The following TBC1D22A variants were observed in gnomAD, a reference collection of about 807,000 sequenced individuals.
TBC1D22A encodes the protein TBC1 domain family member 22A.
Under a neutral mutation model 60.2 loss-of-function variants are expected in TBC1D22A, and 38 were observed. The ratio of observed to expected loss-of-function variants is 0.63; its 90% confidence interval spans 0.49 to 0.83. The LOEUF is 0.83. TBC1D22A is among the 40% of genes least tolerant of loss of function. The pLI is 0.00. For missense variants in TBC1D22A, 628 were observed against 701.0 expected, an observed-to-expected ratio of 0.90 and a Z score of 1.18; for synonymous variants, 302 against 281.7, an observed-to-expected ratio of 1.07 and a Z score of -0.72.
chr22:46,769,158 C>A (rs1177808671), intron 1 of TBC1D22A, among the ~76,000 whole-genome samples: 1 of 148,392 alleles, frequency 6.7e-6, no homozygotes, highest in Non-Finnish European at 1.5e-5. Flanking sequence ...TTGAGCATGG[C>A]AAGGATGTGA....
At chr22:47,037,312 C>G in intron 11 of TBC1D22A, 114 bp downstream of exon 11, 2 of 1,440,646 alleles carry the variant, frequency 1.4e-6, no homozygotes, top group South Asian at 2.5e-5. Context: ...CAAGCGCTCT[C>G]TCCATTGAAA....
intron 1 of TBC1D22A, among the ~76,000 whole-genome samples, chr22:46,776,442 T>C (rs2083709506): frequency 6.6e-6 from 1 of 151,994 alleles, no homozygotes; most frequent in African/African-American, 2.4e-5. Flanking sequence ...CAGCTGCGGC[T>C]GCGTGGTGGG....
intron 8 of TBC1D22A, among the ~76,000 whole-genome samples, chr22:46,918,323 G>GTGTTTTCGGAAGCTT (rs2147823541): frequency 6.6e-6 from 1 of 152,348 alleles, no homozygotes; most frequent in South Asian, 2.1e-4. Flanking sequence ...CTGAGCCTAT[G>GTGTTTTCGGAAGCTT]TGTTTTCGGA....
Position 46,878,645 on chromosome 22 carries a change from A to G in TBC1D22A, c.638-8A>G. The stretch of plus-strand genomic sequence containing the variant: ...CTTGTTTTTCCTTGTCTCTTTTTTC[A>G]TCAACAGAGGAATTACGGAGGTTGA... On this transcript the variant is annotated splice_polypyrimidine_tract_variant and splice_region_variant and intron_variant, in intron 4 of 12. Transcript: ENST00000337137. 1.2e-6 allele frequency: 2 copies of G among 1,612,952 alleles called. No individual in the cohort carries two copies. Among genetic ancestry groups the G allele is most frequent in the South Asian group, 1.1e-5 (1 of 91,082 alleles).
At chr22:46,784,604 C>T (rs1380345873) in intron 1 of TBC1D22A, among the ~76,000 whole-genome samples, 4 of 152,068 alleles carry the variant, frequency 2.6e-5, no homozygotes, top group African/African-American at 4.8e-5. Flanking sequence ...TATGAATTTC[C>T]GGCTGTCCCG....
intron 6 of TBC1D22A, among the ~76,000 whole-genome samples, chr22:46,892,266 C>T (rs2068444677): frequency 6.7e-6 from 1 of 149,824 alleles, no homozygotes; most frequent in Non-Finnish European, 1.5e-5. Flanking sequence ...GTGGGATAGC[C>T]ACATCTCTTT....
At chr22:46,979,478 CAGCTGAAGCCAGCGCACCA>C (rs1279290905) in intron 9 of TBC1D22A, among the ~76,000 whole-genome samples, 2 of 152,248 alleles carry the variant, frequency 1.3e-5, no homozygotes, top group Non-Finnish European at 2.9e-5. Context: ...GTTCAGCTCA[CAGCTGAAGCCAGCGCACCA>C]AGTGCTCTCC....
chr22:47,007,377 C>T (rs956691812), intron 10 of TBC1D22A, among the ~76,000 whole-genome samples: 9 of 152,162 alleles, frequency 5.9e-5, no homozygotes, highest in Non-Finnish European at 1.2e-4. Flanking sequence ...CAGCTGCTTC[C>T]GACAGTGACT....
At chr22:46,834,070 C>G (rs1300162822) in intron 4 of TBC1D22A, among the ~76,000 whole-genome samples, 1 of 152,134 alleles carries the variant, frequency 6.6e-6, no homozygotes, top group Non-Finnish European at 1.5e-5. Flanking sequence ...TTTGGACCCT[C>G]TATATCCCTA....
chr22:46,811,699 T>C (rs2085384527), intron 4 of TBC1D22A, among the ~76,000 whole-genome samples: 1 of 152,154 alleles, frequency 6.6e-6, no homozygotes, highest in South Asian at 2.1e-4. Context: ...GAGCCAGCAC[T>C]CGAGGCCAGG....
At chr22:47,156,049 C>G (rs770775662) in intron 12 of TBC1D22A, among the ~76,000 whole-genome samples, 55 of 152,156 alleles carry the variant, frequency 3.6e-4, no homozygotes, top group Non-Finnish European at 7.3e-4. Context: ...GCCCCTCCCC[C>G]TGCTGGTGAG....
intron 11 of TBC1D22A, among the ~76,000 whole-genome samples, chr22:47,109,280 C>T (rs2065756672): frequency 6.6e-6 from 1 of 152,192 alleles, no homozygotes; most frequent in South Asian, 2.1e-4. Context: ...CATACACTCA[C>T]TGTCATAATG....
At chr22:46,771,354 T>C (rs1305615751) in intron 1 of TBC1D22A, among the ~76,000 whole-genome samples, 1 of 152,126 alleles carries the variant, frequency 6.6e-6, no homozygotes, top group Non-Finnish European at 1.5e-5. Flanking sequence ...TTTATTTCTA[T>C]AGATTACTGG....
At chr22:46,914,875 C>A (rs1333961217) in intron 8 of TBC1D22A, 5 of 157,264 alleles carry the variant, frequency 3.2e-5, no homozygotes, top group Non-Finnish European at 7.1e-5. Context: ...AATTAACATT[C>A]ACATTATCAA....
At chr22:47,100,823 C>A (rs2065385653) in intron 11 of TBC1D22A, among the ~76,000 whole-genome samples, 1 of 152,102 alleles carries the variant, frequency 6.6e-6, no homozygotes, top group Non-Finnish European at 1.5e-5. Context: ...TGAGGTGGGC[C>A]CCTCCTCCCC....
rs558850743 is a variant in TBC1D22A at position 46,933,266 on chromosome 22, C to T, written c.1015+21078C>T. The stretch of plus-strand genomic sequence containing the variant: ...AAGTTAATCATGATCACAACCACAG[C>T]GTGTGCTCTGAGCAGAGGGCAGAGG... On this transcript the variant is annotated intron_variant, in intron 8 of 12. Coordinates refer to ENST00000337137, the MANE Select transcript of TBC1D22A (RefSeq NM_014346.5). 5.3e-5 allele frequency among the ~76,000 whole-genome samples: 8 copies of T among 152,284 alleles called. No individual in the cohort carries two copies. The South Asian group carries it at 1.5e-3, about 28-fold the overall frequency.
At chr22:46,847,072 G>T (rs554361320) in intron 4 of TBC1D22A, among the ~76,000 whole-genome samples, 1 of 152,272 alleles carries the variant, frequency 6.6e-6, no homozygotes, top group South Asian at 2.1e-4. Context: ...TGCAACTAAT[G>T]ATCTTTGGTC....
intron 4 of TBC1D22A, among the ~76,000 whole-genome samples, chr22:46,861,074 C>T (rs1363130117): frequency 6.6e-6 from 1 of 152,160 alleles, no homozygotes; most frequent in East Asian, 1.9e-4. Flanking sequence ...TCTCCTATCT[C>T]AGCCTCCCGA....
At chr22:46,907,534 A>T (rs956461994) in intron 7 of TBC1D22A, among the ~76,000 whole-genome samples, 4 of 152,180 alleles carry the variant, frequency 2.6e-5, no homozygotes, top group African/African-American at 9.7e-5. Context: ...TGGAGAAGGG[A>T]GGAAGGGGAG....
Sources: allele counts gnomAD v4.1 joint callset (sites outside exome capture counted in the v4.1 genomes callset), GRCh38; gene constraint gnomAD v4.1.1; transcripts MANE v1.5; gene names NCBI Gene and HGNC (gene_info 2026-07-23, HGNC 2026-07-21).